Variants in PARVB observed in about 807,000 individuals in gnomAD.
The protein encoded by PARVB is beta-parvin.
Under a neutral mutation model 47.0 loss-of-function variants are expected in PARVB, and 46 were observed. That is an observed-to-expected ratio of 0.98 (90% CI 0.77 to 1.25). PARVB has a LOEUF of 1.25. Ranked by LOEUF, PARVB falls within the 50% of genes most tolerant of loss-of-function variation. The probability of loss-of-function intolerance (pLI) is 0.00; values close to 1 mark genes in which losing one functional copy is unlikely to be tolerated. For synonymous variants in PARVB, 196 were observed against 196.3 expected (o/e 1.00, Z 0.01); for missense variants, 473 against 471.6 (o/e 1.00, Z -0.03).
intron 1 of PARVB, among the ~76,000 whole-genome samples, chr22:44,033,987 G>A (rs773287978): frequency 2.2e-4 from 34 of 151,940 alleles, no homozygotes; most frequent in Non-Finnish European, 2.5e-4. Flanking sequence ...CCCCTGACAA[G>A]GCTGGAGAAA....
At position 44,125,890 on chromosome 22, in the gene PARVB, A is replaced by G. The variant is rs147246139; in HGVS notation, c.377-5597A>G. ...CCATGGCCCAGGCATCTGATGAAGTAGCTCAGCCCCCAGAGTGGAAGGGCA... is the reference window on the plus strand; with the variant it reads ...CCATGGCCCAGGCATCTGATGAAGTGGCTCAGCCCCCAGAGTGGAAGGGCA... On this transcript the variant is annotated intron_variant, in intron 4 of 12. Transcript: ENST00000338758. The surrounding 1 kb of genome is among the most constrained non-coding windows in gnomAD (Gnocchi z 4.1). 1.6e-3 allele frequency among the ~76,000 whole-genome samples: 245 copies of G among 152,324 alleles called. No individual in the cohort carries two copies. The highest frequency in any genetic ancestry group is 6.8e-3 in the Middle Eastern group (2 of 294).
chr22:44,101,529 C>A (rs959601953), intron 3 of PARVB, among the ~76,000 whole-genome samples: 6 of 152,196 alleles, frequency 3.9e-5, no homozygotes, highest in African/African-American at 1.2e-4. Flanking sequence ...GCAGGTGGAT[C>A]ACCTGAGGTG....
intron 1 of PARVB, among the ~76,000 whole-genome samples, chr22:44,091,799 A>G (rs2052174034): frequency 6.6e-6 from 1 of 152,232 alleles, no homozygotes; most frequent in Admixed American, 6.5e-5. Flanking sequence ...TCCTAACCCC[A>G]ACCTGTACCT....
intron 1 of PARVB, 78 bp from the exon 2 acceptor site, chr22:44,093,850 T>C: frequency 1.2e-6 from 1 of 819,054 alleles, no homozygotes; most frequent in Non-Finnish European, 2.0e-6. Flanking sequence ...TTGATTTCTC[T>C]CTGCGTCCAC....
intron 1 of PARVB, chr22:44,081,690 C>G: frequency 2.2e-6 from 2 of 897,664 alleles, no homozygotes; most frequent in Non-Finnish European, 2.7e-6. Context: ...GCAGCGGGTT[C>G]CATTGCCCCC....
chr22:44,033,560 C>T (rs1293352375), intron 1 of PARVB, among the ~76,000 whole-genome samples: 2 of 152,166 alleles, frequency 1.3e-5, no homozygotes, highest in Non-Finnish European at 2.9e-5. Flanking sequence ...TAGTTGGAGG[C>T]CTGCTCCTTT....
intron 6 of PARVB, among the ~76,000 whole-genome samples, chr22:44,135,904 T>C (rs1253743476): frequency 6.6e-6 from 1 of 152,156 alleles, no homozygotes; most frequent in Non-Finnish European, 1.5e-5. Context: ...TTTCCTCTTC[T>C]AATAAGGAGG....
At chr22:44,078,447 C>T (rs931657186) in intron 1 of PARVB, among the ~76,000 whole-genome samples, 6 of 152,282 alleles carry the variant, frequency 3.9e-5, no homozygotes, top group Middle Eastern at 3.4e-3. Flanking sequence ...GTTACCATGT[C>T]GGGGCAGGCA....
intron 1 of PARVB, among the ~76,000 whole-genome samples, chr22:44,080,430 C>G (rs2051874453): frequency 6.6e-6 from 1 of 152,190 alleles, no homozygotes; most frequent in Non-Finnish European, 1.5e-5. Context: ...AGTGCCTGGC[C>G]TCTTCCTCTG....
At chr22:44,052,605 C>G (rs1402904499) in intron 1 of PARVB, among the ~76,000 whole-genome samples, 1 of 152,196 alleles carries the variant, frequency 6.6e-6, no homozygotes, top group African/African-American at 2.4e-5. Context: ...CCCCTATAGA[C>G]AGTTCATAAG....
rs1226916608 is a variant in PARVB at position 44,119,058 on chromosome 22, T to TG, written c.295dup (p.Asp99GlyfsTer19). On this transcript the variant is annotated frameshift_variant, in exon 4 of 13. Transcript: ENST00000338758. LOFTEE classifies it high-confidence loss of function. ...TGCAGGTCCTCCTCGACTGGATTAA[T>TG]GACGTGCTGGTGGAGGAGAGGATCA... 1 of 1,614,070 alleles carries TG rather than the reference T, an allele frequency of 6.2e-7. No homozygotes were observed. The highest frequency in any genetic ancestry group is 1.3e-5 in the African/African-American group (1 of 75,058).
At chr22:44,024,585 G>A (rs1000753858) in intron 1 of PARVB, 134 bp downstream of exon 1, 4 of 317,776 alleles carry the variant, frequency 1.3e-5, no homozygotes, top group Non-Finnish European at 2.0e-5. Flanking sequence ...CGCGACCTTC[G>A]GGACAGGCCA....
chr22:44,036,552 C>T (rs1401986055), intron 1 of PARVB, among the ~76,000 whole-genome samples: 1 of 151,960 alleles, frequency 6.6e-6, no homozygotes, highest in African/African-American at 2.4e-5. Flanking sequence ...AAAAATTTTC[C>T]AATATGTTTA....
At chr22:44,058,709 C>A (rs1601539951) in intron 1 of PARVB, among the ~76,000 whole-genome samples, 1 of 151,920 alleles carries the variant, frequency 6.6e-6, no homozygotes, top group East Asian at 1.9e-4. Context: ...CACCTGCCAC[C>A]ACACCTGGCT....
intron 1 of PARVB, among the ~76,000 whole-genome samples, chr22:44,025,060 G>T (rs1317336450): frequency 6.6e-6 from 1 of 152,126 alleles, no homozygotes; most frequent in Non-Finnish European, 1.5e-5. Flanking sequence ...GGATAGTCTG[G>T]TGTCTTTAAG....
intron 1 of PARVB, among the ~76,000 whole-genome samples, chr22:44,043,475 A>C (rs754554592): frequency 1.3e-5 from 2 of 151,808 alleles, no homozygotes; most frequent in African/African-American, 2.4e-5. Flanking sequence ...GCCTCCCGGG[A>C]TCACGCCATT....
intron 2 of PARVB, among the ~76,000 whole-genome samples, chr22:44,099,256 C>T (rs916251370): frequency 2.0e-5 from 3 of 152,228 alleles, no homozygotes; most frequent in Non-Finnish European, 4.4e-5. Flanking sequence ...CCCCCTTGCC[C>T]TTCCCTGTGT....
In PARVB at chr22:44,068,277, G is replaced by T. The variant is rs1046567900; in HGVS notation, c.113-25651G>T. Among the ~76,000 whole-genome samples the T allele has an allele frequency of 5.9e-5, 9 of 152,160 alleles. No homozygotes were observed. Among genetic ancestry groups the T allele is most frequent in the African/African-American group, 2.2e-4 (9 of 41,452 alleles). On this transcript the variant is annotated intron_variant, in intron 1 of 12. Transcript: ENST00000338758. This position sits in a 1 kb window ranked among gnomAD's most constrained non-coding sequence, Gnocchi z 4.1. ...ATTCCCACAGCAGCACATGAGGCTG[G>T]TCATTGTTAATAACCCCTTTTTACC...
upstream of PARVB, chr22:44,024,133 G>T (rs1331962653): frequency 6.0e-6 from 1 of 167,574 alleles, no homozygotes; most frequent in African/African-American, 2.4e-5. Flanking sequence ...CCCCTTCTCT[G>T]AGCTTGAGCG....
Sources: allele counts gnomAD v4.1 joint callset (sites outside exome capture counted in the v4.1 genomes callset), GRCh38; gene constraint gnomAD v4.1.1; non-coding constraint Gnocchi (gnomAD v3.1); transcripts MANE v1.5; gene names NCBI Gene and HGNC (gene_info 2026-07-23, HGNC 2026-07-21).